Variants in HBP1 observed in about 807,000 individuals in gnomAD.
HBP1 encodes HMG-box transcription factor 1.
HBP1 carries 20 observed loss-of-function variants against 62.6 expected under a neutral mutation model. The observed-to-expected ratio is 0.32, with a 90% CI of 0.22 to 0.46. HBP1 has a LOEUF of 0.46. Among genes scored for constraint, HBP1 ranks in the 20% least tolerant of loss-of-function variants. The pLI, the probability that HBP1 is intolerant of heterozygous loss-of-function variation, is 1.00. For synonymous variants in HBP1, 232 were observed against 206.2 expected, an observed-to-expected ratio of 1.12 and a Z score of -1.07; for missense variants, 480 against 611.8, an observed-to-expected ratio of 0.78 and a Z score of 2.27.
chr7:107,199,778 C>A (rs887225772), intron 9 of HBP1, among the ~76,000 whole-genome samples: 10 of 152,276 alleles, frequency 6.6e-5, no homozygotes, highest in Non-Finnish European at 1.3e-4. Flanking sequence ...CCAGTTTTCT[C>A]AAGTAATAAA....
intron 6 of HBP1, 53 bp downstream of exon 6, chr7:107,186,734 A>G (rs1327918975): frequency 7.1e-6 from 7 of 981,166 alleles, no homozygotes; most frequent in Admixed American, 3.8e-5. Flanking sequence ...ATGAAACAAG[A>G]TTTATTGTTA....
chr7:107,169,696 G>A (rs1796456664), intron 1 of HBP1: 1 of 974,056 alleles, frequency 1.0e-6, no homozygotes, highest in Non-Finnish European at 1.2e-6. Context: ...CGGAGCCGCT[G>A]GGCCCCGGGG....
intron 1 of HBP1, among the ~76,000 whole-genome samples, chr7:107,177,342 A>G (rs1796899597): frequency 6.6e-6 from 1 of 152,194 alleles, no homozygotes; most frequent in South Asian, 2.1e-4. Context: ...AATAGTAGCA[A>G]ATTGTATAGT....
chr7:107,175,088 C>G (rs1414190214), intron 1 of HBP1, among the ~76,000 whole-genome samples: 2 of 151,936 alleles, frequency 1.3e-5, no homozygotes, highest in African/African-American at 4.8e-5. Context: ...AAAAAAAATA[C>G]CCTCCTTAAA....
At chr7:107,201,199 C>G in intron 10 of HBP1, 1 of 410,728 alleles carries the variant, frequency 2.4e-6, no homozygotes, top group Non-Finnish European at 4.4e-6. Context: ...TTTCCTGTAT[C>G]CCTTTTCTGT....
rs1314428360 is a variant in HBP1, at chr7:107,196,086, C to T, written c.1320C>T (p.Ala440=). 1.2e-6 allele frequency: 2 copies of T among 1,613,020 alleles called. No homozygotes were observed. Among genetic ancestry groups the T allele is most frequent in the Non-Finnish European group, 1.7e-6 (2 of 1,179,130 alleles). Residue 440 remains alanine, a synonymous_variant, in exon 9 of 11, where the codon GCC becomes GCT. Coordinates refer to ENST00000222574, the MANE Select transcript of HBP1 (RefSeq NM_012257.4). ...SPNKCKRPMN[A]FMLFAKKYRV... ...ATAAGTGCAAAAGACCAATGAATGC[C>T]TTCATGCTTTTTGCCAAAAAATACA...
chr7:107,198,561 T>TAATC (rs985511658), intron 9 of HBP1, among the ~76,000 whole-genome samples: 18 of 152,218 alleles, frequency 1.2e-4, no homozygotes, highest in African/African-American at 2.9e-4. Flanking sequence ...GATATACTGG[T>TAATC]AATCAATCAT....
chr7:107,195,899 G>A lies in HBP1; in HGVS notation c.1133G>A (p.Arg378His), dbSNP rs771487198. ...YVLSSMARQR[R>H]ASLSCGGPGG... is the part of the protein sequence containing the mutation. ...TTAAGTAGTATGGCTCGCCAGCGTC[G>A]TGCATCTTTGTCTTGTGGAGGACCT... is the stretch of plus-strand genomic sequence containing the variant. Residue 378 changes from arginine to histidine, a missense_variant, in exon 9 of 11, where the codon CGT becomes CAT. Arg to His is a conservative substitution (Grantham distance 29). Around this residue, in one of 4 missense-constraint regions of HBP1, gnomAD observed 58 missense variants for 128.5 expected, o/e 0.45. Coordinates refer to ENST00000222574, the MANE Select transcript of HBP1 (RefSeq NM_012257.4). 1.1e-5 allele frequency: 17 copies of A among 1,613,342 alleles called. No homozygotes were observed. The highest frequency in any genetic ancestry group is 1.6e-4 in the Middle Eastern group (1 of 6,080).
rs1437536193 is a variant in HBP1, at chr7:107,179,862, G to A, written c.-15-17G>A. ...GCATGGCTTGACATCATTTCTTAATGTCGTTTTTATTTTAAGTCAGAGCAC... is the reference window on the plus strand; with the variant it reads ...GCATGGCTTGACATCATTTCTTAATATCGTTTTTATTTTAAGTCAGAGCAC... On this transcript the variant is annotated splice_polypyrimidine_tract_variant and intron_variant, in intron 1 of 10. Transcript: ENST00000222574. The A allele has an allele frequency of 6.5e-7, 1 of 1,536,436 alleles. No individual in the cohort carries two copies. The highest frequency in any genetic ancestry group is 8.9e-7 in the Non-Finnish European group (1 of 1,120,208).
Position 107,190,155 on chromosome 7 carries a change from A to C in HBP1, c.923-18A>C. 1.9e-6 allele frequency: 3 copies of C among 1,592,320 alleles called. No homozygotes were observed. Among genetic ancestry groups the C allele is most frequent in the Non-Finnish European group, 2.6e-6 (3 of 1,168,368 alleles). The stretch of plus-strand genomic sequence containing the variant: ...TTCTGTGAGTCCTCATCCTTTATGC[A>C]ACATTGTTTAACTTTAGGTTGGTCA... On this transcript the variant is annotated intron_variant, in intron 7 of 10. Transcript: ENST00000222574.
In HBP1 at chr7:107,201,507, G is replaced by T. The variant is rs550225636; in HGVS notation, c.*76G>T. 96 of 890,490 alleles carry T rather than the reference G, an allele frequency of 1.1e-4. 1 individual carries two copies. In the South Asian group the frequency reaches 1.3e-3, roughly 12 times the overall value. 55.2% of individuals were successfully genotyped at this position (890,490 alleles called of 1,614,324 possible). On this transcript the variant is annotated 3_prime_UTR_variant, in exon 11 of 11. Transcript: ENST00000222574. ...GATGGAAAGACTTAAGAAGATCAAG[G>T]TCTCACCATTTGTCCTCAATTCGTG...
intron 9 of HBP1, 45 bp downstream of exon 9, chr7:107,196,196 C>T (rs1460267011): frequency 1.9e-6 from 2 of 1,032,618 alleles, no homozygotes; most frequent in Non-Finnish European, 3.1e-6. Flanking sequence ...AGTAACACTT[C>T]AATACGGTTC....
At chr7:107,186,166 C>CTTTTTTTTTTTTTTTTTT (rs80124304) in intron 4 of HBP1, among the ~76,000 whole-genome samples, 195 bp from the exon 5 acceptor site, 1 of 116,136 alleles carries the variant, frequency 8.6e-6, no homozygotes, top group Non-Finnish European at 1.8e-5. Context: ...CTTTTTTTTT[C>CTTTTTTTTTTTTTTTTTT]TTTTTTTTTT....
chr7:107,179,912 A>C lies in HBP1; in HGVS notation c.19A>C (p.Thr7Pro). 6.3e-7 allele frequency: 1 copy of C among 1,598,986 alleles called. No individual in the cohort carries two copies. The highest frequency in any genetic ancestry group is 8.6e-7 in the Non-Finnish European group (1 of 1,167,754). MVWEVK[T>P]NQMPNAVQKL... ...CCATAACATGGTGTGGGAAGTGAAGACAAATCAGATGCCTAATGCAGTACA... is the reference window on the plus strand; with the variant it reads ...CCATAACATGGTGTGGGAAGTGAAGCCAAATCAGATGCCTAATGCAGTACA... Residue 7 changes from threonine to proline, a missense_variant, in exon 2 of 11, where the codon ACA becomes CCA. Around this residue, in one of 4 missense-constraint regions of HBP1, gnomAD observed 304 missense variants for 330.9 expected, o/e 0.92. Transcript: ENST00000222574.
intron 1 of HBP1, among the ~76,000 whole-genome samples, chr7:107,170,953 GTA>G (rs1201695797): frequency 4.7e-5 from 6 of 128,744 alleles, no homozygotes; most frequent in East Asian, 2.2e-4. Context: ...ACATATACAT[GTA>G]TATATATAAA....
At chr7:107,186,166 C>CTTTTTTTTTTTTT (rs80124304) in intron 4 of HBP1, among the ~76,000 whole-genome samples, 195 bp from the exon 5 acceptor site, 2 of 116,140 alleles carry the variant, frequency 1.7e-5, no homozygotes, top group African/African-American at 3.2e-5. Flanking sequence ...CTTTTTTTTT[C>CTTTTTTTTTTTTT]TTTTTTTTTT....
intron 1 of HBP1, among the ~76,000 whole-genome samples, chr7:107,170,286 C>CT (rs1353712957): frequency 6.6e-6 from 1 of 152,204 alleles, no homozygotes; most frequent in Non-Finnish European, 1.5e-5. Context: ...ATACTTCCCT[C>CT]TGAATAGCCG....
chr7:107,179,780 A>C, intron 1 of HBP1, 99 bp from the exon 2 acceptor site: 1 of 762,066 alleles, frequency 1.3e-6, no homozygotes, highest in Admixed American at 2.5e-5. Context: ...TCAAAAAAAA[A>C]ACAAAACAAC....
At chr7:107,174,094 G>C (rs186755430) in intron 1 of HBP1, among the ~76,000 whole-genome samples, 27 of 152,312 alleles carry the variant, frequency 1.8e-4, no homozygotes, top group Admixed American at 5.2e-4. Flanking sequence ...ATTTCCATTT[G>C]TATGTAGTTT....
Sources: allele counts gnomAD v4.1 joint callset (sites outside exome capture counted in the v4.1 genomes callset), GRCh38; gene constraint gnomAD v4.1.1; regional missense constraint gnomAD v4.1.1; transcripts MANE v1.5; gene names NCBI Gene and HGNC (gene_info 2026-07-23, HGNC 2026-07-21).